FAT3: variants seen among roughly 807,000 people sequenced by gnomAD.
FAT3 encodes the protein protocadherin Fat 3.
A neutral mutation model predicts 310.2 loss-of-function variants in FAT3; 95 were observed. The observed-to-expected ratio is 0.31, with a 90% CI of 0.26 to 0.36. The LOEUF (loss-of-function observed/expected upper bound fraction) is 0.36. FAT3 is among the 10% of genes least tolerant of loss of function. The pLI is 1.00. For missense variants in FAT3, 5,408 were observed against 5,715.6 expected (o/e 0.95, Z 1.74); for synonymous variants, 2,314 against 2,192.9 (o/e 1.06, Z -1.54).
intron 1 of FAT3, among the ~76,000 whole-genome samples, chr11:92,253,743 A>G (rs1393623975): frequency 1.3e-5 from 2 of 152,178 alleles, no homozygotes; most frequent in African/African-American, 4.8e-5. Flanking sequence ...TGGTTTAGTC[A>G]TATTTTTTCT....
intron 1 of FAT3, among the ~76,000 whole-genome samples, chr11:92,341,181 C>T (rs368798643): frequency 2.9e-4 from 44 of 152,248 alleles, no homozygotes; most frequent in African/African-American, 1.0e-3. Flanking sequence ...GGCGTGTCTA[C>T]AAAAATGTCT....
intron 3 of FAT3, among the ~76,000 whole-genome samples, chr11:92,609,134 A>C (rs1355147401): frequency 6.6e-6 from 1 of 152,168 alleles, no homozygotes; most frequent in East Asian, 1.9e-4. Context: ...TTTCTTTTTT[A>C]CTGATATTTA....
chr11:92,816,618 T>C (rs1196614744), intron 13 of FAT3, among the ~76,000 whole-genome samples: 2 of 152,058 alleles, frequency 1.3e-5, no homozygotes, highest in Non-Finnish European at 2.9e-5. Context: ...TCAGAGAAGG[T>C]GACATCACTC....
intron 2 of FAT3, among the ~76,000 whole-genome samples, chr11:92,439,796 G>A (rs1334264969): frequency 1.3e-5 from 2 of 152,074 alleles, no homozygotes; most frequent in Non-Finnish European, 2.9e-5. Flanking sequence ...TGTGCCTGTG[G>A]TTCTAGCTAT....
chr11:92,754,111 T>C (rs1945906518), intron 4 of FAT3, among the ~76,000 whole-genome samples: 2 of 151,964 alleles, frequency 1.3e-5, no homozygotes, highest in African/African-American at 2.4e-5. Flanking sequence ...AAATACCACC[T>C]GTACCCCAAT....
intron 23 of FAT3, among the ~76,000 whole-genome samples, 158 bp from the exon 24 acceptor site, chr11:92,882,580 C>CCCCCG (rs1949693033): frequency 1.1e-5 from 1 of 89,454 alleles, no homozygotes; most frequent in Non-Finnish European, 2.3e-5. Context: ...TAAATTAACT[C>CCCCCG]CCCCTCCCCC....
intron 1 of FAT3, among the ~76,000 whole-genome samples, chr11:92,245,967 G>C (rs931576528): frequency 1.3e-5 from 2 of 152,096 alleles, no homozygotes; most frequent in Non-Finnish European, 2.9e-5. Context: ...TTTCAAGAAT[G>C]AAAGCATGCG....
chr11:92,531,714 G>A (rs187143839), intron 3 of FAT3, among the ~76,000 whole-genome samples: 1 of 152,014 alleles, frequency 6.6e-6, no homozygotes, highest in East Asian at 1.9e-4. Context: ...AGCTGCTGTT[G>A]GAAATTAAGT....
chr11:92,586,983 A>G (rs888195437), intron 3 of FAT3, among the ~76,000 whole-genome samples: 5 of 152,030 alleles, frequency 3.3e-5, no homozygotes, highest in Admixed American at 6.6e-5. Flanking sequence ...CATGGCAGAA[A>G]TAAGATGTGC....
chr11:92,533,359 C>A (rs543152607), intron 3 of FAT3, among the ~76,000 whole-genome samples: 1 of 152,238 alleles, frequency 6.6e-6, no homozygotes, highest in African/African-American at 2.4e-5. Context: ...TCCAGTACGT[C>A]ATAGGATTTT....
At position 92,762,018 on chromosome 11, in the gene FAT3, G is replaced by A. The variant is rs1946163404; in HGVS notation, c.3832G>A (p.Ala1278Thr). ...GAAGAGAGGAGAACCGATTTACAGG[G>A]CTTTTGCATTTGATAGAGATGAGGG... ...RKKRGEPIYR[A>T]FAFDRDEGPN... is the part of the protein sequence containing the mutation. The change falls in exon 5 of 28, where the codon GCT becomes ACT. Residue 1278 changes from alanine (A) to threonine (T), a missense_variant. This residue lies in a region of FAT3 where 4,588 missense variants were observed against 4,809.8 expected (regional missense o/e 0.95). Transcript: ENST00000525166. 1 of 1,613,946 alleles carries A rather than the reference G, an allele frequency of 6.2e-7. No homozygotes were observed. The highest frequency in any genetic ancestry group is 1.3e-5 in the African/African-American group (1 of 75,018).
intron 1 of FAT3, among the ~76,000 whole-genome samples, chr11:92,351,828 A>G (rs1005375076): frequency 3.9e-5 from 6 of 152,228 alleles, no homozygotes; most frequent in African/African-American, 1.4e-4. Flanking sequence ...GTACCAATGA[A>G]CAACGCTGTC....
At chr11:92,705,354 TA>T (rs1944244165) in intron 4 of FAT3, among the ~76,000 whole-genome samples, 1 of 98,756 alleles carries the variant, frequency 1.0e-5, no homozygotes, top group East Asian at 3.2e-4. Context: ...GTGATGATGG[TA>T]GTGTGATGGT....
intron 3 of FAT3, among the ~76,000 whole-genome samples, chr11:92,533,537 T>C (rs915046930): frequency 1.3e-5 from 2 of 152,226 alleles, no homozygotes; most frequent in African/African-American, 4.8e-5. Flanking sequence ...TGGAAAATGA[T>C]TGCTCGATGC....
At chr11:92,294,385 A>G (rs1946794665) in intron 1 of FAT3, among the ~76,000 whole-genome samples, 1 of 152,048 alleles carries the variant, frequency 6.6e-6, no homozygotes, top group Non-Finnish European at 1.5e-5. Context: ...GGACACACAC[A>G]TTCAGTCCAT....
At chr11:92,760,808 C>T (rs113403489) in intron 4 of FAT3, among the ~76,000 whole-genome samples, 42 of 152,304 alleles carry the variant, frequency 2.8e-4, no homozygotes, top group African/African-American at 1.0e-3. Flanking sequence ...AAATTATTTA[C>T]ACTAGGATGC....
intron 13 of FAT3, 50 bp from the exon 14 acceptor site, chr11:92,831,572 A>G: frequency 6.6e-7 from 1 of 1,520,482 alleles, no homozygotes. Context: ...TCTAGTGCAG[A>G]TCATCTGGCC....
Position 92,797,848 on chromosome 11 carries a change from A to G in FAT3, c.4835A>G (p.Asn1612Ser), listed in dbSNP as rs770542265. 1.9e-5 allele frequency: 31 copies of G among 1,609,432 alleles called. No individual in the cohort carries two copies. The South Asian group carries it at 2.9e-4, about 15-fold the overall frequency. ...IYTIEAGNTG[N>S]MFKIEPVLGI... ...TTCTGTATTTTAGGGAACACTGGGA[A>G]CATGTTTAAGATCGAACCGGTCCTA... The change falls in exon 10 of 28, where the codon AAC becomes AGC. Residue 1612 changes from asparagine to serine, a missense_variant. Asn to Ser is a conservative substitution (Grantham distance 46). Coordinates refer to ENST00000525166, the MANE Select transcript of FAT3 (RefSeq NM_001367949.2).
At chr11:92,573,171 A>G (rs1365315222) in intron 3 of FAT3, among the ~76,000 whole-genome samples, 10 of 152,190 alleles carry the variant, frequency 6.6e-5, no homozygotes, top group East Asian at 1.9e-4. Flanking sequence ...TCATAAGCCA[A>G]CATACTAGTG....
Sources: allele counts gnomAD v4.1 joint callset (sites outside exome capture counted in the v4.1 genomes callset), GRCh38; gene constraint gnomAD v4.1.1; regional missense constraint gnomAD v4.1.1; transcripts MANE v1.5; gene names NCBI Gene and HGNC (gene_info 2026-07-23, HGNC 2026-07-21).